IL2RB: variants seen among roughly 807,000 people sequenced by gnomAD.
IL2RB encodes the protein interleukin-2 receptor subunit beta.
Under a neutral mutation model 44.2 loss-of-function variants are expected in IL2RB, and 17 were observed. That is an observed-to-expected ratio of 0.38 (90% confidence interval 0.26 to 0.58). IL2RB has a LOEUF of 0.58. IL2RB is among the 20% of genes least tolerant of loss of function. IL2RB has a pLI of 0.63. For missense variants in IL2RB, 624 were observed against 685.5 expected, an observed-to-expected ratio of 0.91 and a Z score of 1.00; for synonymous variants, 286 against 297.9, an observed-to-expected ratio of 0.96 and a Z score of 0.41.
chr22:37,128,240 G>A lies in IL2RB; in HGVS notation c.1512C>T (p.Gly504=), dbSNP rs1379563593. 1.3e-6 allele frequency: 2 copies of A among 1,503,890 alleles called. No individual in the cohort carries two copies. Among genetic ancestry groups the A allele is most frequent in the Non-Finnish European group, 1.8e-6 (2 of 1,127,736 alleles). The allele number at this position is 1,503,890 out of a possible 1,614,324, so 93.2% of individuals were successfully genotyped here. A position where few individuals can be genotyped will look rare whatever the true frequency, so the allele number is the denominator to read the frequency against. ...AGGGGAAACTGACTCCCTCCCTGGGGCCAGCGTCAGGGACCTCCTCCCCAG... is the reference window on the plus strand; with the variant it reads ...AGGGGAAACTGACTCCCTCCCTGGGACCAGCGTCAGGGACCTCCTCCCCAG... ...REAGEEVPDA[G]PREGVSFPWS... is the part of the protein sequence containing the mutation. The change falls in exon 10 of 10, where the codon GGC becomes GGT. Residue 504 remains glycine (G), a synonymous_variant. Coordinates refer to ENST00000216223, the MANE Select transcript of IL2RB (RefSeq NM_000878.5). This position sits in a 1 kb window ranked among gnomAD's most constrained non-coding sequence, Gnocchi z 4.5.
intron 1 of IL2RB, among the ~76,000 whole-genome samples, chr22:37,163,477 C>T (rs1922953424): frequency 6.6e-6 from 1 of 152,162 alleles, no homozygotes; most frequent in South Asian, 2.1e-4. Flanking sequence ...AGGCCTGATG[C>T]CTACTGAGCA....
intron 8 of IL2RB, among the ~76,000 whole-genome samples, chr22:37,134,338 C>G (rs1039196488): frequency 6.6e-6 from 1 of 152,114 alleles, no homozygotes. Context: ...GGCGTGGGGG[C>G]TCACACCTGT....
At chr22:37,143,871 T>C (rs1922091910) in intron 2 of IL2RB, among the ~76,000 whole-genome samples, 3 of 150,440 alleles carry the variant, frequency 2.0e-5, no homozygotes, top group African/African-American at 7.4e-5. Context: ...CACAAGCCTG[T>C]GGCTTGGAGA....
At chr22:37,164,180 G>A (rs560491233) in intron 1 of IL2RB, among the ~76,000 whole-genome samples, 1 of 152,156 alleles carries the variant, frequency 6.6e-6, no homozygotes, top group Non-Finnish European at 1.5e-5. Flanking sequence ...TGCGCTCCCT[G>A]CCCCTCAGCC....
chr22:37,171,011 G>T (rs372641506), intron 1 of IL2RB, among the ~76,000 whole-genome samples: 2 of 151,906 alleles, frequency 1.3e-5, no homozygotes, highest in South Asian at 2.1e-4. Context: ...GGGGACAGAG[G>T]CTCGCTCTGT....
intron 1 of IL2RB, among the ~76,000 whole-genome samples, chr22:37,149,524 T>C (rs1231452839): frequency 6.6e-6 from 1 of 152,114 alleles, no homozygotes; most frequent in Non-Finnish European, 1.5e-5. Context: ...CTCTCCGGGT[T>C]GGGGGCCCAG....
chr22:37,133,406 C>T (rs941609771), intron 8 of IL2RB, among the ~76,000 whole-genome samples: 10 of 152,158 alleles, frequency 6.6e-5, no homozygotes, highest in East Asian at 1.9e-4. Context: ...GTCAGGAGAG[C>T]GGCAGTCACT....
intron 1 of IL2RB, among the ~76,000 whole-genome samples, chr22:37,168,813 A>AT (rs1207283358): frequency 2.6e-5 from 4 of 152,168 alleles, no homozygotes; most frequent in Non-Finnish European, 5.9e-5. Context: ...CCAGAGCCTA[A>AT]TATTTCCCCA....
chr22:37,142,939 C>T (rs978292439), intron 3 of IL2RB, among the ~76,000 whole-genome samples: 1 of 152,040 alleles, frequency 6.6e-6, no homozygotes, highest in Non-Finnish European at 1.5e-5. Context: ...TCCCCCACCC[C>T]ACACCCTATG....
chr22:37,173,292 G>A (rs1324890391), intron 1 of IL2RB, among the ~76,000 whole-genome samples: 1 of 152,144 alleles, frequency 6.6e-6, no homozygotes, highest in Admixed American at 6.5e-5. Flanking sequence ...CTGTGACTGT[G>A]TAATGTCTCT....
chr22:37,134,203 T>C lies in IL2RB; in HGVS notation c.818+1125A>G, dbSNP rs183985576. On this transcript the variant is annotated intron_variant, in intron 8 of 9. Coordinates refer to ENST00000216223, the MANE Select transcript of IL2RB (RefSeq NM_000878.5). ...TTTTTAAAATACAGCATAACAACTA[T>C]TTACATAGCATTTACATGGTATTAG... 3.7e-3 allele frequency among the ~76,000 whole-genome samples: 561 copies of C among 152,270 alleles called. 3 individuals carry two copies. Among genetic ancestry groups the C allele is most frequent in the African/African-American group, 0.012 (516 of 41,536 alleles).
In IL2RB at chr22:37,141,399, G is replaced by C. The variant is rs1255148712; in HGVS notation, c.282+1035C>G. Among the ~76,000 whole-genome samples the C allele has an allele frequency of 6.6e-6, 1 of 152,166 alleles. No individual in the cohort carries two copies. The highest frequency in any genetic ancestry group is 2.4e-5 in the African/African-American group (1 of 41,418). On this transcript the variant is annotated intron_variant, in intron 4 of 9. Transcript: ENST00000216223. This position sits in a 1 kb window ranked among gnomAD's most constrained non-coding sequence, Gnocchi z 4.4. ...TGCCTCCGCAGGCTCAGAGCTGTCT[G>C]TTCCCACTGCTTGGCCTCTCCCCTG...
chr22:37,163,394 C>T (rs1331736962), intron 1 of IL2RB, among the ~76,000 whole-genome samples: 2 of 152,194 alleles, frequency 1.3e-5, no homozygotes, highest in East Asian at 3.8e-4. Context: ...ATTGAGAGTT[C>T]AACCAAGACT....
chr22:37,138,499 G>C (rs3218290), intron 5 of IL2RB, among the ~76,000 whole-genome samples: 3,596 of 152,286 alleles, frequency 0.024, 137 homozygotes, highest in African/African-American at 0.082. Flanking sequence ...TGGCCCCCAA[G>C]GTCAGCAGGC....
At chr22:37,166,329 G>A (rs989873856) in intron 1 of IL2RB, among the ~76,000 whole-genome samples, 1 of 148,688 alleles carries the variant, frequency 6.7e-6, no homozygotes, top group East Asian at 2.1e-4. Context: ...ACAGCCACAC[G>A]CCCCCTTTGA....
chr22:37,136,089 C>T (rs1201673781), intron 7 of IL2RB, 139 bp downstream of exon 7: 3 of 904,296 alleles, frequency 3.3e-6, no homozygotes, highest in Admixed American at 5.4e-5. Context: ...GAAAAGCGAG[C>T]CCCCTGCAGG....
intron 1 of IL2RB, among the ~76,000 whole-genome samples, chr22:37,163,958 A>G (rs1001976844): frequency 6.6e-6 from 1 of 152,266 alleles, no homozygotes; most frequent in East Asian, 1.9e-4. Context: ...GGCAGCCAGC[A>G]GCACAGGCCG....
At chr22:37,172,581 G>A (rs1923326319) in intron 1 of IL2RB, among the ~76,000 whole-genome samples, 1 of 152,192 alleles carries the variant, frequency 6.6e-6, no homozygotes, top group African/African-American at 2.4e-5. Flanking sequence ...TGTGAGCCTG[G>A]GGCCACACCC....
intron 1 of IL2RB, among the ~76,000 whole-genome samples, chr22:37,144,731 AAG>A (rs1422753208): frequency 6.6e-6 from 1 of 152,196 alleles, no homozygotes; most frequent in East Asian, 1.9e-4. Context: ...ACGACAGAGT[AAG>A]ACTCTGTCTC....
Sources: gnomAD v4.1 joint callset for allele counts (sites outside exome capture counted in the v4.1 genomes callset) on GRCh38, gnomAD v4.1.1 for gene constraint, Gnocchi (gnomAD v3.1) non-coding constraint, MANE v1.5 for transcripts, NCBI Gene and HGNC (gene_info 2026-07-23, HGNC 2026-07-21) for gene names.